Variants in MCU observed in about 807,000 individuals in gnomAD.
MCU encodes the protein calcium uniporter protein, mitochondrial.
MCU carries 12 observed loss-of-function variants against 45.2 expected under a neutral mutation model. The observed-to-expected ratio is 0.27, with a 90% CI of 0.17 to 0.43. The LOEUF is 0.43. Ranked by LOEUF, MCU falls within the 20% of genes least tolerant of loss-of-function variation. MCU has a pLI of 1.00. For synonymous variants in MCU, 160 were observed against 165.1 expected (o/e 0.97, Z 0.24); for missense variants, 324 against 436.7 (o/e 0.74, Z 2.30).
chr10:72,733,644 C>T (rs1286396246), intron 1 of MCU, among the ~76,000 whole-genome samples: 5 of 149,860 alleles, frequency 3.3e-5, no homozygotes, highest in African/African-American at 9.8e-5. Context: ...TGGCACATAA[C>T]GAGTACTCTG....
chr10:72,871,706 CAT>C (rs1470306153), intron 6 of MCU, 126 bp downstream of exon 6: 20 of 727,618 alleles, frequency 2.7e-5, no homozygotes, highest in Admixed American at 1.9e-4. Context: ...CATACACACA[CAT>C]GTGCCACTTG....
chr10:72,796,698 T>TA (rs909928737), intron 1 of MCU, among the ~76,000 whole-genome samples: 2 of 133,614 alleles, frequency 1.5e-5, no homozygotes, highest in Non-Finnish European at 3.6e-5. Flanking sequence ...TTTTTGTTTT[T>TA]TTTTTTTTTT....
rs113710966 is a variant in MCU, at chr10:72,853,907, G to A, written c.221-5270G>A. ...CCAGCACTTTGGGAGGCTGAGGCAG[G>A]TGGATCCCCTGAGGTCAGGAGTTCG... On this transcript the variant is annotated intron_variant, in intron 2 of 7. Transcript: ENST00000373053. Among the ~76,000 whole-genome samples the A allele has an allele frequency of 6.5e-3, 992 of 152,212 alleles. 8 individuals carry two copies. Among genetic ancestry groups the A allele is most frequent in the African/African-American group, 0.023 (950 of 41,528 alleles).
chr10:72,808,070 G>T (rs930167318), intron 1 of MCU, among the ~76,000 whole-genome samples: 3 of 152,102 alleles, frequency 2.0e-5, no homozygotes, highest in Admixed American at 6.5e-5. Context: ...TTTAGGAGAA[G>T]AATAACCTGA....
chr10:72,862,912 A>C (rs1845400700), intron 4 of MCU, among the ~76,000 whole-genome samples: 1 of 151,866 alleles, frequency 6.6e-6, no homozygotes, highest in Admixed American at 6.6e-5. Context: ...TCTTTTTAAA[A>C]AAAAAGAAAA....
chr10:72,886,026 A>C lies in MCU; in HGVS notation c.*204A>C. ...TGTGGAATATAAGCTCAAAGGGCTT[A>C]GTGAATATTGTCTTAACCAAGTATC... On this transcript the variant is annotated 3_prime_UTR_variant, in exon 8 of 8. Transcript: ENST00000373053. 1.9e-6 allele frequency: 1 copy of C among 529,040 alleles called. No homozygotes were observed. Among genetic ancestry groups the C allele is most frequent in the South Asian group, 2.5e-5 (1 of 40,042 alleles). The allele number at this position is 529,040 out of a possible 1,614,324, so 32.8% of individuals were successfully genotyped here.
intron 4 of MCU, among the ~76,000 whole-genome samples, chr10:72,863,233 C>T (rs189395822): frequency 2.0e-5 from 3 of 152,330 alleles, no homozygotes; most frequent in Non-Finnish European, 2.9e-5. Context: ...CTGTCTCTGA[C>T]CCCTGACCAA....
At chr10:72,860,644 T>C (rs900391557) in intron 4 of MCU, 117 bp downstream of exon 4, 22 of 737,902 alleles carry the variant, frequency 3.0e-5, no homozygotes, top group Non-Finnish European at 4.3e-5. Context: ...ACACTGAAAG[T>C]TTTATATACA....
intron 1 of MCU, among the ~76,000 whole-genome samples, chr10:72,699,720 T>G (rs950828313): frequency 7.9e-5 from 12 of 151,546 alleles, no homozygotes; most frequent in Non-Finnish European, 1.5e-4. Flanking sequence ...GCCTCCTGAG[T>G]GGCTGGGACT....
chr10:72,881,636 A>T (rs1845702704), intron 6 of MCU, among the ~76,000 whole-genome samples: 1 of 152,266 alleles, frequency 6.6e-6, no homozygotes, highest in Admixed American at 6.5e-5. Flanking sequence ...AAGGATCTAT[A>T]TCCAGAATAT....
chr10:72,874,454 G>A (rs1845590618), intron 6 of MCU, among the ~76,000 whole-genome samples: 1 of 152,176 alleles, frequency 6.6e-6, no homozygotes, highest in Non-Finnish European at 1.5e-5. Context: ...AAAGCTGAGA[G>A]TTGCATCTCA....
At chr10:72,814,977 TAAC>T (rs758072514) in intron 1 of MCU, among the ~76,000 whole-genome samples, 13 of 152,004 alleles carry the variant, frequency 8.6e-5, no homozygotes, top group Non-Finnish European at 1.6e-4. Flanking sequence ...ACATCAGAAA[TAAC>T]AACAAAGAGT....
chr10:72,722,757 A>G (rs1390202975), intron 1 of MCU, among the ~76,000 whole-genome samples: 4 of 152,068 alleles, frequency 2.6e-5, no homozygotes, highest in South Asian at 2.1e-4. Flanking sequence ...TTTCTTTTTT[A>G]TGAGGCCTTT....
In MCU at chr10:72,860,466, C is replaced by T; in HGVS notation, c.435C>T (p.Leu145=). ...VAASTGIDLL[L]LDDFKLVIND... is the part of the protein sequence containing the mutation. ...CTTCAACAGGAATAGACCTCCTCCT[C>T]CTTGATGACTTTAAGCTGGTCATTA... is the stretch of plus-strand genomic sequence containing the variant. Residue 145 remains leucine, a synonymous_variant, in exon 4 of 8, where the codon CTC becomes CTT. Transcript: ENST00000373053. 1.2e-6 allele frequency: 2 copies of T among 1,614,064 alleles called. No homozygotes were observed. The highest frequency in any genetic ancestry group is 1.7e-6 in the Non-Finnish European group (2 of 1,179,994).
chr10:72,706,494 A>T (rs1842821441), intron 1 of MCU, among the ~76,000 whole-genome samples: 2 of 147,458 alleles, frequency 1.4e-5, no homozygotes, highest in Non-Finnish European at 3.0e-5. Flanking sequence ...GTCGGTATTT[A>T]TTTCTTTGGT....
At chr10:72,861,707 G>A in intron 4 of MCU, 1 of 368,774 alleles carries the variant, frequency 2.7e-6, no homozygotes, top group Non-Finnish European at 5.2e-6. Context: ...ATGTTGGCCA[G>A]AATGGTTTTG....
chr10:72,792,870 A>G (rs924827338), intron 1 of MCU, among the ~76,000 whole-genome samples: 10 of 150,328 alleles, frequency 6.7e-5, no homozygotes, highest in Admixed American at 6.0e-4. Flanking sequence ...TGATGATTAC[A>G]CTGCCTTTCT....
intron 1 of MCU, among the ~76,000 whole-genome samples, chr10:72,762,192 A>AG (rs1162299152): frequency 6.6e-6 from 1 of 152,302 alleles, no homozygotes; most frequent in East Asian, 1.9e-4. Flanking sequence ...ACCAATAGCA[A>AG]GCAGTGAGAT....
intron 1 of MCU, among the ~76,000 whole-genome samples, chr10:72,775,846 G>A (rs1589454082): frequency 6.6e-6 from 1 of 152,000 alleles, no homozygotes; most frequent in South Asian, 2.1e-4. Flanking sequence ...TCAGCAAACC[G>A]ATCATGAGTA....
Sources: gnomAD v4.1 joint callset for allele counts (sites outside exome capture counted in the v4.1 genomes callset) on GRCh38, gnomAD v4.1.1 for gene constraint, MANE v1.5 for transcripts, NCBI Gene and HGNC (gene_info 2026-07-23, HGNC 2026-07-21) for gene names.